Variants in E2F3 observed in about 807,000 individuals in gnomAD.
E2F3 encodes transcription factor E2F3.
In E2F3, 11 loss-of-function variants were observed where a neutral mutation model predicts 44.4. The ratio of observed to expected loss-of-function variants is 0.25; its 90% CI spans 0.16 to 0.41. The LOEUF (loss-of-function observed/expected upper bound fraction) is 0.41, where lower values mean the gene tolerates loss of function less well. Among genes scored for constraint, E2F3 ranks in the 10% least tolerant of loss-of-function variants. E2F3 has a pLI of 1.00. For missense variants in E2F3, 487 were observed against 583.6 expected (o/e 0.83, Z 1.70); for synonymous variants, 249 against 253.0 (o/e 0.98, Z 0.15).
chr6:20,456,603 A>T (rs975093105), intron 1 of E2F3, among the ~76,000 whole-genome samples: 4 of 151,756 alleles, frequency 2.6e-5, no homozygotes, highest in African/African-American at 7.3e-5. Context: ...AGATTTTGTT[A>T]AAAAAAAATT....
intron 1 of E2F3, among the ~76,000 whole-genome samples, chr6:20,478,441 T>G (rs1762115270): frequency 6.6e-6 from 1 of 152,222 alleles, no homozygotes; most frequent in East Asian, 1.9e-4. Context: ...TAACTTTCCA[T>G]AGAGGGGCTG....
intron 1 of E2F3, among the ~76,000 whole-genome samples, chr6:20,418,712 C>G (rs1759929227): frequency 6.6e-6 from 1 of 152,164 alleles, no homozygotes; most frequent in Non-Finnish European, 1.5e-5. Context: ...CTGTGGTCTC[C>G]TCTCTAGAGC....
chr6:20,403,882 A>C (rs1400920318), intron 1 of E2F3: 6 of 1,205,908 alleles, frequency 5.0e-6, no homozygotes, highest in Non-Finnish European at 4.6e-6. Context: ...GGGGCACCGG[A>C]TTCTGTTGGG....
chr6:20,452,086 CCCT>C (rs1761150230), intron 1 of E2F3, among the ~76,000 whole-genome samples: 1 of 152,142 alleles, frequency 6.6e-6, no homozygotes, highest in Non-Finnish European at 1.5e-5. Context: ...GGGGAAGAAT[CCCT>C]CCTCCTCAAT....
chr6:20,490,535 G>C lies in E2F3; in HGVS notation c.*105G>C. The C allele has an allele frequency of 1.8e-6, 2 of 1,137,582 alleles. No individual in the cohort carries two copies. Among genetic ancestry groups the C allele is most frequent in the African/African-American group, 3.2e-5 (2 of 62,928 alleles). The allele number at this position is 1,137,582 out of a possible 1,614,324, so 70.5% of individuals were successfully genotyped here. ...CTTCCTACCTTCTTCCTCCAAGAGA[G>C]TATCATGAAGTAAACTACAAACTTC... On this transcript the variant is annotated 3_prime_UTR_variant, in exon 7 of 7. Transcript: ENST00000346618. This position sits in a 1 kb window ranked among gnomAD's most constrained non-coding sequence, Gnocchi z 4.3.
At chr6:20,487,571 G>A (rs1196849756) in intron 5 of E2F3, among the ~76,000 whole-genome samples, 1 of 152,150 alleles carries the variant, frequency 6.6e-6, no homozygotes, top group African/African-American at 2.4e-5. Flanking sequence ...TGGAGATACT[G>A]AATTTGGAAC....
At chr6:20,451,050 T>C (rs1478280234) in intron 1 of E2F3, among the ~76,000 whole-genome samples, 9 of 152,232 alleles carry the variant, frequency 5.9e-5, no homozygotes, top group Non-Finnish European at 1.0e-4. Context: ...TAGTTTGAAG[T>C]CAAGTAGTGT....
At chr6:20,488,784 A>G (rs1762473237) in intron 6 of E2F3, among the ~76,000 whole-genome samples, 1 of 152,134 alleles carries the variant, frequency 6.6e-6, no homozygotes, top group African/African-American at 2.4e-5. Context: ...TCACGAGGTC[A>G]GGAGATCGAG....
chr6:20,428,225 A>T (rs1011808472), intron 1 of E2F3, among the ~76,000 whole-genome samples: 17 of 149,930 alleles, frequency 1.1e-4, no homozygotes, highest in Non-Finnish European at 1.9e-4. Context: ...TTTATTTTTT[A>T]TTTTTTTTTA....
In E2F3 at chr6:20,493,154, T is replaced by G. The variant is rs1365239427; in HGVS notation, c.*2724T>G. ...TTTTGTACAAAAATAGCAATTAATTTGTAAACACTGCCAGAATACTTTCTA... is the reference window on the plus strand; with the variant it reads ...TTTTGTACAAAAATAGCAATTAATTGGTAAACACTGCCAGAATACTTTCTA... On this transcript the variant is annotated 3_prime_UTR_variant, in exon 7 of 7. Coordinates refer to ENST00000346618, the MANE Select transcript of E2F3 (RefSeq NM_001949.5). The G allele has an allele frequency of 4.5e-6, 1 of 224,586 alleles. No individual in the cohort carries two copies. The highest frequency in any genetic ancestry group is 8.9e-6 in the Non-Finnish European group (1 of 112,402). The allele number at this position is 224,586 out of a possible 1,614,324, so 13.9% of individuals were successfully genotyped here.
In E2F3 at chr6:20,406,802, T is replaced by C. The variant is rs190956738; in HGVS notation, c.393+4177T>C. 7.1e-4 allele frequency among the ~76,000 whole-genome samples: 108 copies of C among 152,308 alleles called. 1 individual carries two copies. The highest frequency in any genetic ancestry group is 3.4e-3 in the Middle Eastern group (1 of 294). On this transcript the variant is annotated intron_variant, in intron 1 of 6. Coordinates refer to ENST00000346618, the MANE Select transcript of E2F3 (RefSeq NM_001949.5). ...AGACCTGAACTCTCAATCTTCACCA[T>C]GTCAGAGACATGCATTAGACAAATT...
intron 1 of E2F3, among the ~76,000 whole-genome samples, chr6:20,476,146 C>T (rs1298038431): frequency 8.6e-5 from 13 of 151,966 alleles, no homozygotes; most frequent in East Asian, 2.0e-4. Context: ...CCGAGGAAGG[C>T]GGATCACGAG....
At position 20,465,738 on chromosome 6, in the gene E2F3, T is replaced by C. The variant is rs143752022; in HGVS notation, c.394-14108T>C. Reference sequence around the variant, plus strand: ...TCCTGAGTTACTTCACTTAGAATAATGGTCTCCAATCTCATCCAGGTAGCT... The same window carrying C: ...TCCTGAGTTACTTCACTTAGAATAACGGTCTCCAATCTCATCCAGGTAGCT... On this transcript the variant is annotated intron_variant, in intron 1 of 6. Coordinates refer to ENST00000346618, the MANE Select transcript of E2F3 (RefSeq NM_001949.5). Among the ~76,000 whole-genome samples, 413 of 152,324 alleles carry C rather than the reference T, an allele frequency of 2.7e-3. 14 individuals carry two copies. The East Asian group carries it at 0.061, about 23-fold the overall frequency.
intron 1 of E2F3, among the ~76,000 whole-genome samples, chr6:20,420,290 G>T (rs138399736): frequency 4.3e-4 from 66 of 152,266 alleles, no homozygotes; most frequent in African/African-American, 1.6e-3. Flanking sequence ...TGAAAAAGAC[G>T]AATTAGTAAA....
intron 1 of E2F3, among the ~76,000 whole-genome samples, chr6:20,468,225 C>T (rs560805134): frequency 6.6e-6 from 1 of 152,344 alleles, no homozygotes; most frequent in Admixed American, 6.5e-5. Context: ...AGGGTTCAGT[C>T]TCACAAGACC....
intron 1 of E2F3, among the ~76,000 whole-genome samples, chr6:20,462,859 C>CTCTCTTTTTTTTT (rs1761564604): frequency 2.0e-5 from 1 of 48,810 alleles, no homozygotes; most frequent in African/African-American, 7.8e-5. Context: ...CTCTCTCTCT[C>CTCTCTTTTTTTTT]TTTTTTTTTT....
At chr6:20,456,405 T>C (rs923966963) in intron 1 of E2F3, among the ~76,000 whole-genome samples, 1 of 152,178 alleles carries the variant, frequency 6.6e-6, no homozygotes, top group Admixed American at 6.5e-5. Context: ...TCTGTTCTTG[T>C]AGTTTCTTAT....
At chr6:20,476,038 C>T (rs1762032525) in intron 1 of E2F3, among the ~76,000 whole-genome samples, 1 of 152,148 alleles carries the variant, frequency 6.6e-6, no homozygotes, top group South Asian at 2.1e-4. Flanking sequence ...GTTCCATAAG[C>T]TGTCACTGGC....
At chr6:20,477,909 T>A (rs1184937487) in intron 1 of E2F3, among the ~76,000 whole-genome samples, 5 of 152,066 alleles carry the variant, frequency 3.3e-5, no homozygotes, top group Non-Finnish European at 7.4e-5. Flanking sequence ...GACACACTCA[T>A]GGCCGGGTGC....
Sources: allele counts gnomAD v4.1 joint callset (sites outside exome capture counted in the v4.1 genomes callset), GRCh38; gene constraint gnomAD v4.1.1; non-coding constraint Gnocchi (gnomAD v3.1); transcripts MANE v1.5; gene names NCBI Gene and HGNC (gene_info 2026-07-23, HGNC 2026-07-21).